Variants in BRINP3 observed in about 807,000 individuals in gnomAD.
The protein encoded by BRINP3 is BMP/retinoic acid-inducible neural-specific protein 3.
In BRINP3, 19 loss-of-function variants were observed where a neutral mutation model predicts 71.0. That is an observed-to-expected ratio of 0.27 (90% CI 0.19 to 0.39). The LOEUF (loss-of-function observed/expected upper bound fraction) is 0.39. Among genes scored for constraint, BRINP3 ranks in the 10% least tolerant of loss-of-function variants. BRINP3 has a pLI of 1.00. For synonymous variants in BRINP3, 380 were observed against 337.7 expected (o/e 1.13, Z -1.37); for missense variants, 959 against 940.8 (o/e 1.02, Z -0.25).
At chr1:190,456,291 C>T (rs1176068336) in intron 1 of BRINP3, among the ~76,000 whole-genome samples, 4 of 152,262 alleles carry the variant, frequency 2.6e-5, no homozygotes, top group East Asian at 1.9e-4. Flanking sequence ...CTTAATATCA[C>T]GATATCCATA....
At chr1:190,400,227 T>C (rs759432557) in intron 2 of BRINP3, among the ~76,000 whole-genome samples, 1 of 152,134 alleles carries the variant, frequency 6.6e-6, no homozygotes, top group Non-Finnish European at 1.5e-5. Flanking sequence ...ACATTGGATA[T>C]TCCCATAATT....
chr1:190,289,209 A>C (rs1663667289), intron 2 of BRINP3, among the ~76,000 whole-genome samples: 1 of 152,018 alleles, frequency 6.6e-6, no homozygotes, highest in South Asian at 2.1e-4. Context: ...TTTTAAAGAA[A>C]ATTTTTCATA....
intron 2 of BRINP3, among the ~76,000 whole-genome samples, chr1:190,377,779 T>A (rs1670277704): frequency 6.6e-6 from 1 of 151,656 alleles, no homozygotes; most frequent in Non-Finnish European, 1.5e-5. Context: ...CTATTCTACC[T>A]ACAACAGCAT....
intron 2 of BRINP3, among the ~76,000 whole-genome samples, chr1:190,324,075 C>A (rs1411542049): frequency 2.6e-5 from 4 of 151,692 alleles, no homozygotes; most frequent in South Asian, 4.2e-4. Flanking sequence ...TTTCAGATTG[C>A]AAAAAGTAGG....
intron 2 of BRINP3, among the ~76,000 whole-genome samples, chr1:190,319,022 G>C (rs1323142171): frequency 6.6e-6 from 1 of 151,990 alleles, no homozygotes; most frequent in Non-Finnish European, 1.5e-5. Flanking sequence ...CTAATAACAG[G>C]AACAAGTGAA....
intron 7 of BRINP3, among the ~76,000 whole-genome samples, chr1:190,146,657 A>C (rs1655915302): frequency 6.6e-6 from 1 of 152,172 alleles, no homozygotes; most frequent in South Asian, 2.1e-4. Context: ...AAAGAGATTA[A>C]GCAATTTTCA....
intron 7 of BRINP3, 119 bp downstream of exon 7, chr1:190,160,549 C>T (rs1031372637): frequency 2.7e-6 from 2 of 732,744 alleles, no homozygotes; most frequent in Middle Eastern, 3.7e-4. Flanking sequence ...TTCAAATTAT[C>T]TCTAATAGTA....
intron 6 of BRINP3, among the ~76,000 whole-genome samples, chr1:190,211,013 C>T (rs528865290): frequency 6.6e-6 from 1 of 152,148 alleles, no homozygotes; most frequent in Non-Finnish European, 1.5e-5. Context: ...AGTGATTTGC[C>T]AGGGGCTCTC....
At chr1:190,471,827 C>T (rs914876037) in intron 1 of BRINP3, among the ~76,000 whole-genome samples, 1 of 151,442 alleles carries the variant, frequency 6.6e-6, no homozygotes, top group African/African-American at 2.4e-5. Context: ...GACTGTACCC[C>T]AAACTGAATA....
intron 2 of BRINP3, among the ~76,000 whole-genome samples, chr1:190,355,950 T>C (rs1668701099): frequency 6.6e-6 from 1 of 151,880 alleles, no homozygotes. Flanking sequence ...GATAGCTAGG[T>C]AGCTAGCATC....
At chr1:190,306,814 G>A (rs1269242793) in intron 2 of BRINP3, among the ~76,000 whole-genome samples, 1 of 151,874 alleles carries the variant, frequency 6.6e-6, no homozygotes, top group African/African-American at 2.4e-5. Flanking sequence ...CATCTCAAAG[G>A]TAGATGGAGT....
At chr1:190,212,896 T>C (rs1855238) in intron 6 of BRINP3, among the ~76,000 whole-genome samples, 134,688 of 152,044 alleles carry the variant, frequency 0.89, 59,934 homozygotes, top group Middle Eastern at 0.97. Flanking sequence ...TTGATTATAT[T>C]ATTTTAAGAT....
chr1:190,290,643 T>C (rs945323847), intron 2 of BRINP3, among the ~76,000 whole-genome samples: 1 of 152,104 alleles, frequency 6.6e-6, no homozygotes, highest in African/African-American at 2.4e-5. Flanking sequence ...GAAATGATAA[T>C]TTAATTAGAC....
intron 7 of BRINP3, among the ~76,000 whole-genome samples, chr1:190,133,483 G>T (rs978656029): frequency 2.0e-5 from 3 of 151,966 alleles, no homozygotes; most frequent in Non-Finnish European, 2.9e-5. Context: ...AGAGTGGGAG[G>T]TGTTATAGAT....
At chr1:190,257,895 G>A (rs137931597) in intron 4 of BRINP3, among the ~76,000 whole-genome samples, 1,591 of 152,220 alleles carry the variant, frequency 0.01, 23 homozygotes, top group African/African-American at 0.036. Flanking sequence ...GGTGTCAGTT[G>A]GCCTCTACTG....
intron 2 of BRINP3, among the ~76,000 whole-genome samples, chr1:190,322,583 T>C (rs1666316640): frequency 6.6e-6 from 1 of 151,892 alleles, no homozygotes; most frequent in African/African-American, 2.4e-5. Flanking sequence ...GATGAAGACA[T>C]TGCAAAGGCC....
At chr1:190,205,316 C>T (rs552022304) in intron 6 of BRINP3, among the ~76,000 whole-genome samples, 46 of 145,838 alleles carry the variant, frequency 3.2e-4, no homozygotes, top group Non-Finnish European at 5.6e-4. Context: ...CTTTTCTACC[C>T]GCCACACATG....
At chr1:190,276,492 T>C (rs1488124202) in intron 3 of BRINP3, among the ~76,000 whole-genome samples, 1 of 151,552 alleles carries the variant, frequency 6.6e-6, no homozygotes, top group Non-Finnish European at 1.5e-5. Context: ...ACCCAAAAAA[T>C]TATAATTGAT....
chr1:190,266,970 A>T (rs1475773940), intron 3 of BRINP3, among the ~76,000 whole-genome samples: 2 of 152,190 alleles, frequency 1.3e-5, no homozygotes, highest in African/African-American at 2.4e-5. Context: ...AAAAATAGCA[A>T]TGTAGTGCTA....
Sources: allele counts gnomAD v4.1 joint callset (sites outside exome capture counted in the v4.1 genomes callset), GRCh38; gene constraint gnomAD v4.1.1; transcripts MANE v1.5; gene names NCBI Gene and HGNC (gene_info 2026-07-23, HGNC 2026-07-21).